The following WWC2 variants were observed in gnomAD, a reference collection of about 807,000 sequenced individuals.
WWC2 encodes the protein WW and C2 domain containing 2.
A neutral mutation model predicts 138.5 loss-of-function variants in WWC2; 101 were observed. That is an observed-to-expected ratio of 0.73 (90% CI 0.62 to 0.86). The LOEUF is 0.86. WWC2 is among the 40% of genes least tolerant of loss of function. The pLI, the probability that WWC2 is intolerant of heterozygous loss-of-function variation, is 0.00. For missense variants in WWC2, 1,420 were observed against 1,419.4 expected (o/e 1.00, Z -0.01); for synonymous variants, 558 against 538.4 (o/e 1.04, Z -0.50).
Position 183,271,072 on chromosome 4 carries a change from TTACA to T in WWC2, c.2401-5_2401-2del. 6.5e-7 allele frequency: 1 copy of T among 1,527,774 alleles called. No individual in the cohort carries two copies. The allele number at this position is 1,527,774 out of a possible 1,614,324, so 94.6% of individuals were successfully genotyped here. ...TTTTTTTTTCTTTGTTTTCTTTCAC[TTACA>T]TAGGCTGGAACTCAGATCAGCCTGG... is the stretch of plus-strand genomic sequence containing the variant. On this transcript the variant is annotated splice_polypyrimidine_tract_variant and splice_region_variant and intron_variant, in intron 15 of 22. Transcript: ENST00000403733.
chr4:183,242,662 G>A (rs1207987951), intron 5 of WWC2, among the ~76,000 whole-genome samples: 2 of 152,132 alleles, frequency 1.3e-5, no homozygotes, highest in African/African-American at 2.4e-5. Flanking sequence ...GGTTCTCAAG[G>A]TATACACTTT....
intron 2 of WWC2, among the ~76,000 whole-genome samples, chr4:183,204,836 C>T (rs547977595): frequency 6.6e-6 from 1 of 152,210 alleles, no homozygotes; most frequent in South Asian, 2.1e-4. Context: ...TACTTTTGCC[C>T]GAATTTCATA....
At chr4:183,136,068 T>C (rs967525408) in intron 1 of WWC2, among the ~76,000 whole-genome samples, 4 of 152,136 alleles carry the variant, frequency 2.6e-5, no homozygotes, top group African/African-American at 9.7e-5. Flanking sequence ...TTCTCTTTGA[T>C]GTGTGTAGGT....
chr4:183,185,336 T>G (rs1216642656), intron 1 of WWC2, among the ~76,000 whole-genome samples: 2 of 152,190 alleles, frequency 1.3e-5, no homozygotes, highest in African/African-American at 4.8e-5. Flanking sequence ...TTTTTTTAGC[T>G]TAAGTAGTCA....
At chr4:183,302,038 C>T (rs1738857941) in intron 21 of WWC2, among the ~76,000 whole-genome samples, 1 of 152,152 alleles carries the variant, frequency 6.6e-6, no homozygotes, top group South Asian at 2.1e-4. Context: ...TTAATGCATT[C>T]ATTTGTATAG....
intron 1 of WWC2, among the ~76,000 whole-genome samples, chr4:183,145,687 A>C (rs1321600267): frequency 6.6e-6 from 1 of 152,258 alleles, no homozygotes; most frequent in East Asian, 1.9e-4. Flanking sequence ...ACTTAAAAAC[A>C]TCAGTATATA....
chr4:183,155,433 TTA>T (rs1470704249), intron 1 of WWC2, among the ~76,000 whole-genome samples: 2 of 152,164 alleles, frequency 1.3e-5, no homozygotes, highest in Non-Finnish European at 2.9e-5. Flanking sequence ...ACCTGATTCT[TTA>T]TGTTATAAAT....
chr4:183,297,169 C>T (rs1272124936), intron 21 of WWC2, among the ~76,000 whole-genome samples: 2 of 151,826 alleles, frequency 1.3e-5, no homozygotes, highest in Non-Finnish European at 2.9e-5. Context: ...AACCGGGTTT[C>T]ACTGTATTGC....
chr4:183,150,745 G>A (rs1389796934), intron 1 of WWC2, among the ~76,000 whole-genome samples: 1 of 151,752 alleles, frequency 6.6e-6, no homozygotes, highest in Non-Finnish European at 1.5e-5. Flanking sequence ...TGTTCTCATT[G>A]TTCAATTCCC....
At chr4:183,109,273 G>C (rs566528373) in intron 1 of WWC2, among the ~76,000 whole-genome samples, 30 of 152,144 alleles carry the variant, frequency 2.0e-4, no homozygotes, top group African/African-American at 6.7e-4. Flanking sequence ...TGTTTACTTT[G>C]GCCCTTTACA....
At chr4:183,198,857 T>C (rs1452559108) in intron 2 of WWC2, among the ~76,000 whole-genome samples, 1 of 147,720 alleles carries the variant, frequency 6.8e-6, no homozygotes, top group Non-Finnish European at 1.5e-5. Flanking sequence ...TTGTGGCACA[T>C]TACTGCTTTC....
In WWC2 at chr4:183,182,559, CA is replaced by C. The variant is rs143994438; in HGVS notation, c.132-11039del. 5.2e-3 allele frequency among the ~76,000 whole-genome samples: 790 copies of C among 152,304 alleles called. 5 individuals are homozygous for C. The highest frequency in any genetic ancestry group is 0.018 in the African/African-American group (763 of 41,574). ...GGCACTTAGGAGAGAAAAAGAGGTT[CA>C]GGTTAAAGTGTTTGACCACTTTGTT... On this transcript the variant is annotated intron_variant, in intron 1 of 22. Transcript: ENST00000403733.
chr4:183,155,606 G>C (rs1283658736), intron 1 of WWC2, among the ~76,000 whole-genome samples: 2 of 152,122 alleles, frequency 1.3e-5, no homozygotes, highest in African/African-American at 4.8e-5. Context: ...AAAGGTGTCT[G>C]TGTAGAGTGC....
intron 4 of WWC2, among the ~76,000 whole-genome samples, chr4:183,234,585 A>G (rs1476308245): frequency 6.6e-6 from 1 of 152,180 alleles, no homozygotes; most frequent in East Asian, 1.9e-4. Context: ...TTTAAATTGT[A>G]TTTTTAGAAG....
chr4:183,245,225 TAAAAAAA>T (rs746541290), intron 5 of WWC2, among the ~76,000 whole-genome samples, 184 bp from the exon 6 acceptor site: 11 of 69,508 alleles, frequency 1.6e-4, no homozygotes, highest in Admixed American at 9.2e-4. Flanking sequence ...AGACTCCATC[TAAAAAAA>T]AAAAAAAAAA....
intron 15 of WWC2, 38 bp downstream of exon 15, chr4:183,269,201 T>TA: frequency 6.9e-7 from 1 of 1,442,534 alleles, no homozygotes. Flanking sequence ...AAATAGCACT[T>TA]AGATTGGGTG....
intron 1 of WWC2, among the ~76,000 whole-genome samples, chr4:183,189,908 T>G (rs535011868): frequency 6.6e-6 from 1 of 152,310 alleles, no homozygotes; most frequent in South Asian, 2.1e-4. Context: ...GTGTGGCATC[T>G]CATGTCGTAG....
At chr4:183,143,799 C>A (rs1205782948) in intron 1 of WWC2, among the ~76,000 whole-genome samples, 1 of 151,684 alleles carries the variant, frequency 6.6e-6, no homozygotes, top group Admixed American at 6.6e-5. Context: ...CAGAGATAGA[C>A]CCTGTCTCAC....
At position 183,167,129 on chromosome 4, in the gene WWC2, A is replaced by G. The variant is rs1044340817; in HGVS notation, c.132-26470A>G. On this transcript the variant is annotated intron_variant, in intron 1 of 22. Coordinates refer to ENST00000403733, the MANE Select transcript of WWC2 (RefSeq NM_024949.6). The stretch of plus-strand genomic sequence containing the variant: ...TCTCTGAGGAACACAGAATTTTCAT[A>G]TGGCCACGGAGTGTGGTTCTTCTCT... Among the ~76,000 whole-genome samples, 3 of 152,176 alleles carry G rather than the reference A, an allele frequency of 2.0e-5. No homozygotes were observed. The East Asian group carries it at 5.8e-4, about 29-fold the overall frequency.
Sources: gnomAD v4.1 joint callset for allele counts (sites outside exome capture counted in the v4.1 genomes callset) on GRCh38, gnomAD v4.1.1 for gene constraint, MANE v1.5 for transcripts, NCBI Gene and HGNC (gene_info 2026-07-23, HGNC 2026-07-21) for gene names.